Variants in GSTO2 observed in about 807,000 individuals in gnomAD.
GSTO2 encodes glutathione S-transferase omega-2.
GSTO2 carries 23 observed loss-of-function variants against 28.4 expected under a neutral mutation model. The ratio of observed to expected loss-of-function variants is 0.81; its 90% CI spans 0.58 to 1.15. GSTO2 has a LOEUF of 1.15. Ranked by LOEUF, GSTO2 falls within the 50% of genes most tolerant of loss-of-function variation. The pLI is 0.00. For missense variants in GSTO2, 298 were observed against 297.8 expected (o/e 1.00, Z 0.00); for synonymous variants, 109 against 111.0 (o/e 0.98, Z 0.11).
chr10:104,277,582 G>A (rs980832745), intron 3 of GSTO2, among the ~76,000 whole-genome samples: 6 of 152,104 alleles, frequency 3.9e-5, no homozygotes, highest in African/African-American at 1.2e-4. Context: ...CACCGCGCCC[G>A]GCCAGCTCTA....
chr10:104,269,550 C>T (rs1225615644), intron 1 of GSTO2, among the ~76,000 whole-genome samples: 1 of 152,168 alleles, frequency 6.6e-6, no homozygotes, highest in South Asian at 2.1e-4. Context: ...CAGGCAGAGA[C>T]CACCCCAGAT....
intron 5 of GSTO2, among the ~76,000 whole-genome samples, chr10:104,289,307 A>T (rs1266978292): frequency 6.6e-6 from 1 of 152,096 alleles, no homozygotes; most frequent in African/African-American, 2.4e-5. Flanking sequence ...TGTTGCCCAG[A>T]CTGGTCTCGA....
intron 5 of GSTO2, among the ~76,000 whole-genome samples, chr10:104,282,049 C>G (rs904582501): frequency 6.6e-6 from 1 of 151,684 alleles, no homozygotes; most frequent in African/African-American, 2.4e-5. Context: ...CAGGGATTTG[C>G]ACTTTATTTC....
At position 104,304,593 on chromosome 10, in the gene GSTO2, G is replaced by C. The variant is rs1007273599; in HGVS notation, c.*5309G>C. 1 of 152,148 alleles carries C rather than the reference G, an allele frequency of 6.6e-6. No individual in the cohort carries two copies. Among genetic ancestry groups the C allele is most frequent in the Non-Finnish European group, 1.5e-5 (1 of 68,034 alleles). The allele number at this position is 152,148 out of a possible 1,614,324, so 9.4% of individuals were successfully genotyped here. On this transcript the variant is annotated 3_prime_UTR_variant, in exon 7 of 7. Transcript: ENST00000338595. ...TTTCATTGGGCTGTTGAATAATGAT[G>C]GTCTCATCTATGCAAGGGCTTAGTA... is the stretch of plus-strand genomic sequence containing the variant.
chr10:104,294,980 C>T (rs991869977), intron 5 of GSTO2: 2 of 152,196 alleles, frequency 1.3e-5, no homozygotes, highest in Non-Finnish European at 2.9e-5. Context: ...AAAGACTTTT[C>T]CAAGAACACC....
At chr10:104,280,824 C>T (rs4142057) in intron 5 of GSTO2, among the ~76,000 whole-genome samples, 1,607 of 152,274 alleles carry the variant, frequency 0.011, 82 homozygotes, top group Admixed American at 0.075. Context: ...TCCATTTGAC[C>T]TTTATCAAGT....
At chr10:104,272,829 G>A (rs1257367060) in intron 1 of GSTO2, among the ~76,000 whole-genome samples, 1 of 151,428 alleles carries the variant, frequency 6.6e-6, no homozygotes, top group Non-Finnish European at 1.5e-5. Flanking sequence ...AGCCAGGATG[G>A]CCTCAATCTC....
intron 1 of GSTO2, among the ~76,000 whole-genome samples, chr10:104,272,900 C>T (rs1179106594): frequency 6.6e-6 from 1 of 152,120 alleles, no homozygotes; most frequent in African/African-American, 2.4e-5. Flanking sequence ...GCATGAGCCA[C>T]CGCACCCGGC....
Position 104,299,425 on chromosome 10 carries a change from T to C in GSTO2, c.*141T>C. ...AATGAAAACAGGAAATGTATTCTTC[T>C]GATAATCATTTGTCTGACTCCTCTA... is the stretch of plus-strand genomic sequence containing the variant. On this transcript the variant is annotated 3_prime_UTR_variant, in exon 7 of 7. Transcript: ENST00000338595. The C allele has an allele frequency of 3.1e-6, 3 of 977,196 alleles. No homozygotes were observed. The highest frequency in any genetic ancestry group is 3.0e-5 in the South Asian group (2 of 66,194). The allele number at this position is 977,196 out of a possible 1,614,324, so 60.5% of individuals were successfully genotyped here. A position where few individuals can be genotyped will look rare whatever the true frequency, so the allele number is the denominator to read the frequency against.
intron 4 of GSTO2, among the ~76,000 whole-genome samples, chr10:104,278,893 G>A (rs2011823723): frequency 6.6e-6 from 1 of 152,156 alleles, no homozygotes; most frequent in Admixed American, 6.5e-5. Context: ...TTTTAAGATG[G>A]TGTCTTTGAA....
Position 104,304,056 on chromosome 10 carries a change from C to T in GSTO2, c.*4772C>T, listed in dbSNP as rs1257862166. 1 of 152,178 alleles carries T rather than the reference C, an allele frequency of 6.6e-6. No individual in the cohort carries two copies. Among genetic ancestry groups the T allele is most frequent in the African/African-American group, 2.4e-5 (1 of 41,424 alleles). The allele number at this position is 152,178 out of a possible 1,614,324, so 9.4% of individuals were successfully genotyped here. A position where few individuals can be genotyped will look rare whatever the true frequency, so the allele number is the denominator to read the frequency against. ...TGAGTTGAGAAGCAAGCTTGACTGCCCTGTGGTTTATATCAGCCTAGCTTA... is the reference window on the plus strand; with the variant it reads ...TGAGTTGAGAAGCAAGCTTGACTGCTCTGTGGTTTATATCAGCCTAGCTTA... On this transcript the variant is annotated 3_prime_UTR_variant, in exon 7 of 7. Transcript: ENST00000338595.
intron 5 of GSTO2, among the ~76,000 whole-genome samples, chr10:104,284,374 T>A (rs912795145): frequency 4.6e-5 from 7 of 152,038 alleles, no homozygotes; most frequent in Non-Finnish European, 7.4e-5. Flanking sequence ...AAAAAAAAAA[T>A]TAAGTTCCAT....
intron 5 of GSTO2, among the ~76,000 whole-genome samples, chr10:104,294,521 ATTTTAGAC>A (rs992766297): frequency 1.9e-4 from 29 of 152,240 alleles, no homozygotes; most frequent in Middle Eastern, 6.8e-3. Flanking sequence ...TTCTGTTGGG[ATTTTAGAC>A]TTACCCTGCT....
At chr10:104,277,410 A>G (rs2011697616) in intron 3 of GSTO2, among the ~76,000 whole-genome samples, 1 of 151,852 alleles carries the variant, frequency 6.6e-6, no homozygotes, top group Admixed American at 6.6e-5. Flanking sequence ...CAGTCTCCCA[A>G]GTAGCTGGGG....
Position 104,299,236 on chromosome 10 carries a change from T to C in GSTO2, c.684T>C (p.Asn228=), listed in dbSNP as rs150010195. Residue 228 remains asparagine (N), a synonymous_variant, in exon 7 of 7, where the codon AAT becomes AAC. Coordinates refer to ENST00000338595, the MANE Select transcript of GSTO2 (RefSeq NM_183239.2). ...AGAGCATTTTCCAGGGCTTCTTGAA[T>C]CTCTATTTTCAGAACAACCCTAATG... ...MDKSIFQGFL[N]LYFQNNPNAF... is the part of the protein sequence containing the mutation. The C allele has an allele frequency of 1.1e-4, 183 of 1,614,052 alleles. 3 individuals carry two copies. Among genetic ancestry groups the C allele is most frequent in the Non-Finnish European group, 9.2e-5 (109 of 1,180,036 alleles).
Position 104,299,298 on chromosome 10 carries a change from C to A in GSTO2, c.*14C>A. The stretch of plus-strand genomic sequence containing the variant: ...GGGCTGTGCTGAGTCTCACTGTCCA[C>A]CCCTTCGCTGTCCAGAATTCCCCAG... On this transcript the variant is annotated 3_prime_UTR_variant, in exon 7 of 7. Transcript: ENST00000338595. 1 of 1,613,634 alleles carries A rather than the reference C, an allele frequency of 6.2e-7. No individual in the cohort carries two copies. The highest frequency in any genetic ancestry group is 8.5e-7 in the Non-Finnish European group (1 of 1,179,798).
At chr10:104,285,156 T>G (rs539670337) in intron 5 of GSTO2, among the ~76,000 whole-genome samples, 1 of 152,246 alleles carries the variant, frequency 6.6e-6, no homozygotes, top group Non-Finnish European at 1.5e-5. Context: ...TGTAGCAGTT[T>G]GCATGAGGTG....
At chr10:104,281,864 G>A (rs2012066909) in intron 5 of GSTO2, among the ~76,000 whole-genome samples, 1 of 152,130 alleles carries the variant, frequency 6.6e-6, no homozygotes, top group South Asian at 2.1e-4. Context: ...CTGGTCTGTG[G>A]GGGTAGATAA....
At chr10:104,292,106 T>G (rs2012800555) in intron 5 of GSTO2, among the ~76,000 whole-genome samples, 1 of 152,080 alleles carries the variant, frequency 6.6e-6, no homozygotes. Context: ...CTAAGTAGGC[T>G]ATTTTGCTTT....
Sources: allele counts gnomAD v4.1 joint callset (sites outside exome capture counted in the v4.1 genomes callset), GRCh38; gene constraint gnomAD v4.1.1; transcripts MANE v1.5; gene names NCBI Gene and HGNC (gene_info 2026-07-23, HGNC 2026-07-21).